Variants in ZNF585B observed in about 807,000 individuals in gnomAD.
The protein encoded by ZNF585B is zinc finger protein 41-like protein.
In ZNF585B, 7 loss-of-function variants were observed where a neutral mutation model predicts 14.0. The observed-to-expected ratio is 0.50, with a 90% confidence interval of 0.28 to 0.94. The LOEUF (loss-of-function observed/expected upper bound fraction) is 0.94, where lower values mean the gene tolerates loss of function less well. Among genes scored for constraint, ZNF585B ranks in the 40% least tolerant of loss-of-function variants. The pLI, the probability that ZNF585B is intolerant of heterozygous loss-of-function variation, is 0.09. For missense variants in ZNF585B, 750 were observed against 924.4 expected (o/e 0.81, Z 2.45); for synonymous variants, 290 against 317.3 (o/e 0.91, Z 0.91).
chr19:37,207,818 T>C (rs988096521), intron 1 of ZNF585B, among the ~76,000 whole-genome samples: 1 of 151,942 alleles, frequency 6.6e-6, no homozygotes, highest in Non-Finnish European at 1.5e-5. Context: ...TCAAAACAAG[T>C]AAGATAATAA....
At chr19:37,194,564 A>G (rs889350422) in intron 2 of ZNF585B, among the ~76,000 whole-genome samples, 3 of 151,990 alleles carry the variant, frequency 2.0e-5, no homozygotes, top group Non-Finnish European at 4.4e-5. Flanking sequence ...AGTGAGCCAA[A>G]ATCACGCCAT....
rs981068242 is a variant in ZNF585B at position 37,184,476 on chromosome 19, G to C, written c.*751C>G. ...AGAAAGAAAGAAAGAAAGAAAGAAA[G>C]AAAGAAAGAAAGAAAGAAAGAAAGA... is the stretch of plus-strand genomic sequence containing the variant. On this transcript the variant is annotated 3_prime_UTR_variant, in exon 5 of 5. Coordinates refer to ENST00000532828, the MANE Select transcript of ZNF585B (RefSeq NM_152279.4). The C allele has an allele frequency of 8.7e-6, 1 of 114,296 alleles. No individual in the cohort carries two copies. The highest frequency in any genetic ancestry group is 1.8e-5 in the Non-Finnish European group (1 of 54,790). The allele number at this position is 114,296 out of a possible 1,614,324, so 7.1% of individuals were successfully genotyped here.
In ZNF585B at chr19:37,207,099, A is replaced by C; in HGVS notation, c.13T>G (p.Trp5Gly). 1.2e-6 allele frequency: 2 copies of C among 1,614,120 alleles called. No individual in the cohort carries two copies. Among genetic ancestry groups the C allele is most frequent in the Non-Finnish European group, 1.7e-6 (2 of 1,180,014 alleles). Residue 5 changes from tryptophan to glycine, a missense_variant, in exon 2 of 5, where the codon TGG (tryptophan) becomes GGG (glycine). Trp to Gly is a radical substitution (Grantham distance 184, BLOSUM62 -2). Around this residue, in one of 2 missense-constraint regions of ZNF585B, gnomAD observed 517 missense variants for 570.3 expected, o/e 0.91. Coordinates refer to ENST00000532828, the MANE Select transcript of ZNF585B (RefSeq NM_152279.4). ...GCTGAGGATTTCTGGGGTGAGGTCC[A>C]ACTAGCTGGCATGGCCACACTGGAT... Reference protein sequence around the residue: MPASWTSPQKSSALA... With the variant: MPASGTSPQKSSALA...
intron 2 of ZNF585B, among the ~76,000 whole-genome samples, chr19:37,192,811 AAAAT>A (rs1972417215): frequency 6.6e-6 from 1 of 151,646 alleles, no homozygotes; most frequent in Non-Finnish European, 1.5e-5. Flanking sequence ...CTCCATCTCA[AAAAT>A]AAATAAACAA....
chr19:37,187,207 G>A lies in ZNF585B; in HGVS notation c.330C>T (p.Ile110=), dbSNP rs767045772. The A allele has an allele frequency of 1.2e-6, 2 of 1,610,920 alleles. No homozygotes were observed. The highest frequency in any genetic ancestry group is 4.5e-5 in the East Asian group (2 of 44,844). Residue 110 remains isoleucine, a synonymous_variant, in exon 5 of 5, where the codon ATC becomes ATT. Coordinates refer to ENST00000532828, the MANE Select transcript of ZNF585B (RefSeq NM_152279.4). ...GAGAGGAAGCTGGTTTATAACCGAT[G>A]ATTTTTCTATGTTGATTATGGTCCC... ...KLWDHNQHRK[I]IGYKPASSQD... is the part of the protein sequence containing the mutation.
At position 37,187,207 on chromosome 19, in the gene ZNF585B, G is replaced by T. The variant is rs767045772; in HGVS notation, c.330C>A (p.Ile110=). The T allele has an allele frequency of 6.2e-7, 1 of 1,611,036 alleles. No individual in the cohort carries two copies. Among genetic ancestry groups the T allele is most frequent in the East Asian group, 2.2e-5 (1 of 44,832 alleles). Residue 110 remains isoleucine, a synonymous_variant, in exon 5 of 5, where the codon ATC becomes ATA. Coordinates refer to ENST00000532828, the MANE Select transcript of ZNF585B (RefSeq NM_152279.4). ...GAGAGGAAGCTGGTTTATAACCGAT[G>T]ATTTTTCTATGTTGATTATGGTCCC... ...KLWDHNQHRK[I]IGYKPASSQD... is the part of the protein sequence containing the mutation.
chr19:37,189,662 T>C lies in ZNF585B; in HGVS notation c.291A>G (p.Pro97=). ...LQGERPRHSC[P]GEKLWDHNQH... Reference sequence around the variant, plus strand: ...TCACATTCACCTCACTTCACTCACCTGGGCAGCTGTGACGTGGCCTCTCAC... The same window carrying C: ...TCACATTCACCTCACTTCACTCACCCGGGCAGCTGTGACGTGGCCTCTCAC... The change falls in exon 4 of 5, where the codon CCA becomes CCG. Residue 97 remains proline, a splice_region_variant and synonymous_variant. Coordinates refer to ENST00000532828, the MANE Select transcript of ZNF585B (RefSeq NM_152279.4). 6.2e-7 allele frequency: 1 copy of C among 1,612,864 alleles called. No homozygotes were observed.
intron 2 of ZNF585B, among the ~76,000 whole-genome samples, chr19:37,203,598 T>C (rs1972556819): frequency 6.6e-6 from 1 of 152,200 alleles, no homozygotes; most frequent in Admixed American, 6.6e-5. Flanking sequence ...ATTAAGTACA[T>C]TCACATTTTG....
intron 1 of ZNF585B, among the ~76,000 whole-genome samples, chr19:37,209,856 C>T (rs1238362658): frequency 6.6e-6 from 1 of 151,296 alleles, no homozygotes; most frequent in African/African-American, 2.4e-5. Context: ...GCTGGGACTA[C>T]AGGCGCCCGC....
chr19:37,186,936 G>C lies in ZNF585B; in HGVS notation c.601C>G (p.Leu201Val). 1 of 1,614,108 alleles carries C rather than the reference G, an allele frequency of 6.2e-7. No homozygotes were observed. The highest frequency in any genetic ancestry group is 8.5e-7 in the Non-Finnish European group (1 of 1,180,002). Reference protein sequence around the residue: ...CGKSFFQVSSLFRHHRIHTGE... With the variant: ...CGKSFFQVSSVFRHHRIHTGE... ...GTATGAATTCTGTGATGCCTGAAAA[G>C]AGACGATACTTGAAAAAAGGATTTT... Residue 201 changes from leucine (L) to valine (V), a missense_variant, in exon 5 of 5, where the codon CTT becomes GTT. By Grantham distance (32) the Leu-to-Val change is conservative. Coordinates refer to ENST00000532828, the MANE Select transcript of ZNF585B (RefSeq NM_152279.4).
chr19:37,193,083 C>T (rs1972420587), intron 2 of ZNF585B, among the ~76,000 whole-genome samples: 2 of 151,764 alleles, frequency 1.3e-5, no homozygotes, highest in South Asian at 2.1e-4. Flanking sequence ...TGCAGTGAGC[C>T]GAGATTGCGC....
At chr19:37,201,659 A>G (rs1972531925) in intron 2 of ZNF585B, among the ~76,000 whole-genome samples, 1 of 152,214 alleles carries the variant, frequency 6.6e-6, no homozygotes, top group Non-Finnish European at 1.5e-5. Flanking sequence ...CATCTCTGCA[A>G]TCCTAATTTT....
intron 2 of ZNF585B, chr19:37,196,166 A>T (rs1376896267): frequency 6.6e-6 from 1 of 152,214 alleles, no homozygotes; most frequent in Non-Finnish European, 1.5e-5. Flanking sequence ...AAGCACAAAA[A>T]AAGAAAACTA....
intron 1 of ZNF585B, among the ~76,000 whole-genome samples, chr19:37,207,861 T>A (rs1369581004): frequency 6.6e-6 from 1 of 152,138 alleles, no homozygotes; most frequent in Non-Finnish European, 1.5e-5. Flanking sequence ...ATATATGAAA[T>A]AAAAATGATA....
At chr19:37,206,269 C>T (rs557806841) in intron 2 of ZNF585B, among the ~76,000 whole-genome samples, 3 of 151,552 alleles carry the variant, frequency 2.0e-5, no homozygotes, top group South Asian at 2.1e-4. Context: ...CTGATCAACA[C>T]GGAGAAACCC....
At chr19:37,200,010 T>C (rs888744111) in intron 2 of ZNF585B, among the ~76,000 whole-genome samples, 2 of 151,082 alleles carry the variant, frequency 1.3e-5, no homozygotes, top group African/African-American at 2.4e-5. Flanking sequence ...GCCACTGCAC[T>C]CCAGTCTGGG....
rs756819888 is a variant in ZNF585B, at chr19:37,203,040, T to C, written c.72+4000A>G. 5.3e-5 allele frequency among the ~76,000 whole-genome samples: 8 copies of C among 152,322 alleles called. No individual in the cohort carries two copies. The South Asian group carries it at 1.2e-3, about 24-fold the overall frequency. ...TGTTTTCTAACATATTTTGATTATG[T>C]TTATCTTCACTCTTTTTTCTTGATC... On this transcript the variant is annotated intron_variant, in intron 2 of 4. Transcript: ENST00000532828.
At chr19:37,190,334 C>A in intron 2 of ZNF585B, 184 bp from the exon 3 acceptor site, 1 of 697,276 alleles carries the variant, frequency 1.4e-6, no homozygotes, top group Non-Finnish European at 2.2e-6. Flanking sequence ...CAACCTCCAC[C>A]TCCCGGGTTC....
rs1456014098 is a variant in ZNF585B at position 37,187,246 on chromosome 19, TG to T, written c.293-3del. On this transcript the variant is annotated splice_region_variant and splice_polypyrimidine_tract_variant and intron_variant, in intron 4 of 4. Transcript: ENST00000532828. ...GATTATGGTCCCATAATTTCTCTCC[TG>T]TTGGAGTACATTCACAGTAAGTATA... is the stretch of plus-strand genomic sequence containing the variant. 6.3e-7 allele frequency: 1 copy of T among 1,592,170 alleles called. No individual in the cohort carries two copies. Among genetic ancestry groups the T allele is most frequent in the Non-Finnish European group, 8.6e-7 (1 of 1,168,708 alleles).
Sources: gnomAD v4.1 joint callset for allele counts (sites outside exome capture counted in the v4.1 genomes callset) on GRCh38, gnomAD v4.1.1 for gene constraint, gnomAD v4.1.1 regional missense constraint, MANE v1.5 for transcripts, NCBI Gene and HGNC (gene_info 2026-07-23, HGNC 2026-07-21) for gene names.